BMP5: variants seen among roughly 807,000 people sequenced by gnomAD.
BMP5 encodes the protein bone morphogenetic protein 5.
A neutral mutation model predicts 46.6 loss-of-function variants in BMP5; 23 were observed. The ratio of observed to expected loss-of-function variants is 0.49; its 90% CI spans 0.35 to 0.70. The LOEUF is 0.70. BMP5 is among the 30% of genes least tolerant of loss of function. The probability of loss-of-function intolerance (pLI) is 0.00; values close to 1 mark genes in which losing one functional copy is unlikely to be tolerated. For missense variants in BMP5, 545 were observed against 565.6 expected (o/e 0.96, Z 0.37); for synonymous variants, 204 against 191.9 (o/e 1.06, Z -0.52).
At chr6:55,837,393 GA>G in intron 1 of BMP5, among the ~76,000 whole-genome samples, 1 of 130,078 alleles carries the variant, frequency 7.7e-6, no homozygotes, top group Non-Finnish European at 1.7e-5. Context: ...ACAGATAGAA[GA>G]GATAGGCAGG....
chr6:55,874,314 T>C (rs1777849929), intron 1 of BMP5, 62 bp downstream of exon 1: 2 of 1,606,684 alleles, frequency 1.2e-6, no homozygotes, highest in African/African-American at 2.7e-5. Context: ...GCAGCTCCTT[T>C]ACCATTAGGG....
At chr6:55,838,342 G>A (rs1201861804) in intron 1 of BMP5, among the ~76,000 whole-genome samples, 1 of 152,106 alleles carries the variant, frequency 6.6e-6, no homozygotes, top group African/African-American at 2.4e-5. Context: ...ATATTAACTG[G>A]GGTGAGCTGA....
intron 1 of BMP5, among the ~76,000 whole-genome samples, chr6:55,845,103 A>G (rs954908836): frequency 2.6e-5 from 4 of 152,048 alleles, no homozygotes; most frequent in Non-Finnish European, 4.4e-5. Context: ...AAGTCCCCTA[A>G]AGGACATTCA....
intron 3 of BMP5, among the ~76,000 whole-genome samples, chr6:55,778,623 C>T (rs1775235818): frequency 6.6e-6 from 1 of 151,798 alleles, no homozygotes; most frequent in African/African-American, 2.4e-5. Context: ...ATACCTTGTC[C>T]ATCTTATTTT....
At chr6:55,793,202 C>T (rs1466627108) in intron 3 of BMP5, among the ~76,000 whole-genome samples, 1 of 152,114 alleles carries the variant, frequency 6.6e-6, no homozygotes, top group East Asian at 1.9e-4. Context: ...CTTCCTGAGC[C>T]TTCTGAGCAA....
chr6:55,795,368 G>C (rs1775683722), intron 2 of BMP5, among the ~76,000 whole-genome samples: 1 of 151,874 alleles, frequency 6.6e-6, no homozygotes, highest in Non-Finnish European at 1.5e-5. Flanking sequence ...TGCATTTTAT[G>C]ACCTTTGATA....
At chr6:55,781,863 G>A (rs769476936) in intron 3 of BMP5, among the ~76,000 whole-genome samples, 3 of 151,678 alleles carry the variant, frequency 2.0e-5, no homozygotes, top group South Asian at 2.1e-4. Context: ...CACCCACCTC[G>A]GCCTATCATA....
chr6:55,869,403 C>T (rs1002551821), intron 1 of BMP5, among the ~76,000 whole-genome samples: 1 of 151,948 alleles, frequency 6.6e-6, no homozygotes, highest in Non-Finnish European at 1.5e-5. Flanking sequence ...TTCTTTCTTT[C>T]TCTGTCTCAT....
chr6:55,813,720 G>T (rs111939359), intron 2 of BMP5, among the ~76,000 whole-genome samples: 19 of 150,914 alleles, frequency 1.3e-4, no homozygotes, highest in African/African-American at 4.7e-4. Context: ...CAGGGAGACG[G>T]AGCTTGCAGT....
chr6:55,853,360 CTCTG>C (rs1777302897), intron 1 of BMP5, among the ~76,000 whole-genome samples: 4 of 146,748 alleles, frequency 2.7e-5, no homozygotes, highest in South Asian at 4.6e-4. Flanking sequence ...CTCTCTCTCT[CTCTG>C]ACTCTCTTTC....
In BMP5 at chr6:55,755,395, A is replaced by C. The variant is rs998582088; in HGVS notation, c.*138T>G. On this transcript the variant is annotated 3_prime_UTR_variant, in exon 7 of 7. Coordinates refer to ENST00000370830, the MANE Select transcript of BMP5 (RefSeq NM_021073.4). ...TAAATAAATAAAAATGACTATATAC[A>C]TGATATTGTACATAGGAAAAGAGTC... The C allele has an allele frequency of 2.0e-5, 15 of 756,336 alleles. No homozygotes were observed. Among genetic ancestry groups the C allele is most frequent in the Non-Finnish European group, 3.3e-5 (15 of 458,030 alleles). The allele number at this position is 756,336 out of a possible 1,614,324, so 46.9% of individuals were successfully genotyped here.
At chr6:55,816,189 G>A (rs912971685) in intron 2 of BMP5, among the ~76,000 whole-genome samples, 4 of 151,900 alleles carry the variant, frequency 2.6e-5, no homozygotes, top group Admixed American at 6.6e-5. Context: ...AACATTTTAG[G>A]ATATGTATAT....
At chr6:55,857,458 C>A (rs932058777) in intron 1 of BMP5, among the ~76,000 whole-genome samples, 1 of 152,120 alleles carries the variant, frequency 6.6e-6, no homozygotes, top group Non-Finnish European at 1.5e-5. Context: ...TTAGAAGTAA[C>A]TATCAATCTA....
chr6:55,869,040 T>C (rs1777717096), intron 1 of BMP5, among the ~76,000 whole-genome samples: 1 of 152,214 alleles, frequency 6.6e-6, no homozygotes, highest in African/African-American at 2.4e-5. Flanking sequence ...GTGGTTCCTC[T>C]GATCTCAGCC....
chr6:55,818,893 A>G (rs1050887461), intron 2 of BMP5, among the ~76,000 whole-genome samples: 3 of 152,162 alleles, frequency 2.0e-5, no homozygotes, highest in Admixed American at 6.5e-5. Context: ...TCACCTCAAT[A>G]TAGGATTTCA....
chr6:55,776,744 C>T (rs1250103354), intron 3 of BMP5, among the ~76,000 whole-genome samples: 2 of 151,934 alleles, frequency 1.3e-5, no homozygotes, highest in Non-Finnish European at 2.9e-5. Context: ...CCATTCATTA[C>T]AACACACACT....
chr6:55,788,977 A>G (rs1352150408), intron 3 of BMP5, among the ~76,000 whole-genome samples: 1 of 151,752 alleles, frequency 6.6e-6, no homozygotes, highest in African/African-American at 2.4e-5. Context: ...ATTTGGGTAC[A>G]AAATTTAGTG....
chr6:55,852,662 C>T (rs766386529), intron 1 of BMP5, among the ~76,000 whole-genome samples: 2 of 151,892 alleles, frequency 1.3e-5, no homozygotes, highest in Non-Finnish European at 2.9e-5. Context: ...CAGTTGATTC[C>T]TAAAGAAAGC....
At chr6:55,800,271 T>C (rs1462361004) in intron 2 of BMP5, among the ~76,000 whole-genome samples, 2 of 152,190 alleles carry the variant, frequency 1.3e-5, no homozygotes, top group African/African-American at 4.8e-5. Context: ...AAAGCCATCA[T>C]ATATATGTTT....
Sources: gnomAD v4.1 joint callset for allele counts (sites outside exome capture counted in the v4.1 genomes callset) on GRCh38, gnomAD v4.1.1 for gene constraint, MANE v1.5 for transcripts, NCBI Gene and HGNC (gene_info 2026-07-23, HGNC 2026-07-21) for gene names.